The following PAX5 variants were observed in gnomAD, a reference collection of about 807,000 sequenced individuals.
PAX5 encodes the protein paired box 5.
PAX5 carries 9 observed loss-of-function variants against 43.7 expected under a neutral mutation model. That is an observed-to-expected ratio of 0.21 (90% CI 0.12 to 0.36). The LOEUF is 0.36. PAX5 is among the 10% of genes least tolerant of loss of function. PAX5 has a pLI of 1.00. For synonymous variants in PAX5, 228 were observed against 214.3 expected (o/e 1.06, Z -0.56); for missense variants, 383 against 532.7 (o/e 0.72, Z 2.77).
chr9:36,960,071 C>T (rs2132154760), intron 6 of PAX5, among the ~76,000 whole-genome samples: 2 of 152,312 alleles, frequency 1.3e-5, no homozygotes, highest in Middle Eastern at 3.4e-3. Flanking sequence ...TATTTATGAG[C>T]TCAGATAAGA....
At chr9:36,841,780 G>A (rs1822077738) in intron 9 of PAX5, among the ~76,000 whole-genome samples, 1 of 152,200 alleles carries the variant, frequency 6.6e-6, no homozygotes, top group South Asian at 2.1e-4. Context: ...CCCTGCTGGG[G>A]GCAGGGCTGG....
chr9:36,972,852 A>AC (rs1161154788), intron 5 of PAX5, among the ~76,000 whole-genome samples: 2 of 151,830 alleles, frequency 1.3e-5, no homozygotes. Flanking sequence ...ACATGGTGAA[A>AC]CCCCGTCTCT....
rs185203622 is a variant in PAX5, at chr9:36,917,414, G to A, written c.910+5941C>T. Among the ~76,000 whole-genome samples, 206 of 152,336 alleles carry A rather than the reference G, an allele frequency of 1.4e-3. 1 individual carries two copies. Among genetic ancestry groups the A allele is most frequent in the African/African-American group, 4.6e-3 (192 of 41,590 alleles). On this transcript the variant is annotated intron_variant, in intron 7 of 9. Transcript: ENST00000358127. ...ACTGCTACTGAACCCCAACCACCAC[G>A]ACTATGTGGGAATATGACCCAGTGT...
intron 6 of PAX5, chr9:36,930,949 C>T (rs1222133209): frequency 9.0e-6 from 7 of 780,484 alleles, no homozygotes; most frequent in Middle Eastern, 2.6e-4. Flanking sequence ...GCACCACTGC[C>T]ATAGCATGGA....
chr9:37,017,470 A>G (rs1006245235), intron 2 of PAX5, among the ~76,000 whole-genome samples: 1 of 152,198 alleles, frequency 6.6e-6, no homozygotes, highest in African/African-American at 2.4e-5. Flanking sequence ...AGAGAACTTT[A>G]CTATTTACCA....
intron 5 of PAX5, among the ~76,000 whole-genome samples, chr9:36,999,144 G>A (rs764331973): frequency 1.3e-5 from 2 of 152,136 alleles, no homozygotes; most frequent in South Asian, 2.1e-4. Flanking sequence ...GAAAGCCTCC[G>A]TCAAAGTCTA....
At chr9:36,982,818 C>T (rs926845266) in intron 5 of PAX5, among the ~76,000 whole-genome samples, 3 of 152,076 alleles carry the variant, frequency 2.0e-5, no homozygotes, top group Non-Finnish European at 4.4e-5. Flanking sequence ...GTGCACAATA[C>T]CTGCAGATTT....
At chr9:36,963,458 C>T (rs2132173618) in intron 6 of PAX5, among the ~76,000 whole-genome samples, 1 of 152,330 alleles carries the variant, frequency 6.6e-6, no homozygotes, top group Admixed American at 6.5e-5. Flanking sequence ...TGGCTGACAC[C>T]TCATCAGGAC....
In PAX5 at chr9:36,885,131, CTG is replaced by C. The variant is rs375730934; in HGVS notation, c.911-3028_911-3027del. 2.6e-3 allele frequency among the ~76,000 whole-genome samples: 391 copies of C among 152,342 alleles called. 1 individual carries two copies. Among genetic ancestry groups the C allele is most frequent in the African/African-American group, 9.0e-3 (376 of 41,570 alleles). ...GGAAGGGAGAGAAGCTGACAGCTTT[CTG>C]TGTCCTCTCAACCTCCTGAATTGCT... is the stretch of plus-strand genomic sequence containing the variant. On this transcript the variant is annotated intron_variant, in intron 7 of 9. Coordinates refer to ENST00000358127, the MANE Select transcript of PAX5 (RefSeq NM_016734.3).
chr9:36,933,099 G>T (rs1392438016), intron 6 of PAX5, among the ~76,000 whole-genome samples: 2 of 145,772 alleles, frequency 1.4e-5, no homozygotes, highest in Non-Finnish European at 3.0e-5. Flanking sequence ...AGCCAAGATC[G>T]CACCACTGCA....
chr9:36,879,282 A>C (rs1267830553), intron 8 of PAX5, among the ~76,000 whole-genome samples: 1 of 152,198 alleles, frequency 6.6e-6, no homozygotes. Context: ...TGAGCCTGGT[A>C]ATTAGGGCTG....
At chr9:37,030,213 G>T (rs1269631928) in intron 1 of PAX5, among the ~76,000 whole-genome samples, 1 of 152,212 alleles carries the variant, frequency 6.6e-6, no homozygotes, top group Non-Finnish European at 1.5e-5. Flanking sequence ...CGGCGTTCTT[G>T]GGGGAAGGAG....
intron 5 of PAX5, among the ~76,000 whole-genome samples, chr9:36,974,830 C>T (rs1835285183): frequency 6.6e-6 from 1 of 152,136 alleles, no homozygotes; most frequent in African/African-American, 2.4e-5. Context: ...CCTGAGCCCC[C>T]GAGGCCTCGA....
chr9:36,936,965 G>A (rs977904257), intron 6 of PAX5, among the ~76,000 whole-genome samples: 1 of 152,196 alleles, frequency 6.6e-6, no homozygotes, highest in African/African-American at 2.4e-5. Context: ...TACCCAGCCA[G>A]CCTCAGGAGG....
chr9:36,884,328 G>T (rs938681531), intron 7 of PAX5, among the ~76,000 whole-genome samples: 2 of 152,110 alleles, frequency 1.3e-5, no homozygotes, highest in Non-Finnish European at 2.9e-5. Context: ...TGTATGCAAG[G>T]ATGGTTCAAT....
intron 1 of PAX5, among the ~76,000 whole-genome samples, chr9:37,029,837 G>A (rs1840795475): frequency 6.6e-6 from 1 of 152,208 alleles, no homozygotes; most frequent in Non-Finnish European, 1.5e-5. Flanking sequence ...TTTCACGGGT[G>A]CAGAACCCGA....
chr9:36,948,343 G>A (rs1054432279), intron 6 of PAX5, among the ~76,000 whole-genome samples: 1 of 152,176 alleles, frequency 6.6e-6, no homozygotes, highest in African/African-American at 2.4e-5. Context: ...AGAGGGACGG[G>A]ACACATTCTG....
In PAX5 at chr9:36,975,353, G is replaced by A. The variant is rs181760600; in HGVS notation, c.605-8629C>T. Among the ~76,000 whole-genome samples, 646 of 151,906 alleles carry A rather than the reference G, an allele frequency of 4.3e-3. 3 individuals are homozygous for A. Among genetic ancestry groups the A allele is most frequent in the Non-Finnish European group, 6.1e-3 (412 of 67,940 alleles). On this transcript the variant is annotated intron_variant, in intron 5 of 9. Transcript: ENST00000358127. ...GCCCGGGTTCGAATTCCAGAACTCT[G>A]TCTCTCACAAGCCCATGATATTTGA...
chr9:36,957,169 C>T (rs1440631492), intron 6 of PAX5, among the ~76,000 whole-genome samples: 3 of 152,196 alleles, frequency 2.0e-5, no homozygotes, highest in Non-Finnish European at 2.9e-5. Context: ...GATCTTCAAG[C>T]TTCTACACGC....
Sources: gnomAD v4.1 joint callset for allele counts (sites outside exome capture counted in the v4.1 genomes callset) on GRCh38, gnomAD v4.1.1 for gene constraint, MANE v1.5 for transcripts, NCBI Gene and HGNC (gene_info 2026-07-23, HGNC 2026-07-21) for gene names.